The following CNOT10 variants were observed in gnomAD, a reference collection of about 807,000 sequenced individuals.
CNOT10 encodes CCR4-NOT transcription complex, subunit 10.
A neutral mutation model predicts 94.6 loss-of-function variants in CNOT10; 30 were observed. The ratio of observed to expected loss-of-function variants is 0.32; its 90% CI spans 0.24 to 0.43. The LOEUF (loss-of-function observed/expected upper bound fraction) is 0.43, where lower values mean the gene tolerates loss of function less well. Ranked by LOEUF, CNOT10 falls within the 20% of genes least tolerant of loss-of-function variation. The probability of loss-of-function intolerance (pLI) is 1.00; values close to 1 mark genes in which losing one functional copy is unlikely to be tolerated. For synonymous variants in CNOT10, 289 were observed against 301.6 expected (o/e 0.96, Z 0.43); for missense variants, 759 against 877.2 (o/e 0.87, Z 1.70).
At chr3:32,692,319 C>T (rs1399652524) in intron 1 of CNOT10, among the ~76,000 whole-genome samples, 3 of 152,124 alleles carry the variant, frequency 2.0e-5, no homozygotes, top group Non-Finnish European at 2.9e-5. Context: ...TGGTCTCAAA[C>T]TCTTGGGCTG....
chr3:32,752,221 A>G (rs1251505409), intron 13 of CNOT10, among the ~76,000 whole-genome samples: 3 of 151,988 alleles, frequency 2.0e-5, no homozygotes, highest in African/African-American at 7.2e-5. Context: ...CCCAGGAGGC[A>G]GAGATTGTGG....
chr3:32,717,623 T>C (rs1698181503), intron 7 of CNOT10, among the ~76,000 whole-genome samples: 1 of 152,110 alleles, frequency 6.6e-6, no homozygotes, highest in African/African-American at 2.4e-5. Context: ...CCCAGCACTT[T>C]AGGAGGCCAA....
At position 32,685,459 on chromosome 3, in the gene CNOT10, A is replaced by C; in HGVS notation, c.-2A>C. ...GGGAAGAACCCGAGTCGAAGCGGGA[A>C]GATGGCTGCAGACAAGCCTGCAGGT... On this transcript the variant is annotated 5_prime_UTR_variant, in exon 1 of 19. Transcript: ENST00000328834. The C allele has an allele frequency of 2.6e-6, 4 of 1,550,042 alleles. No homozygotes were observed. The highest frequency in any genetic ancestry group is 3.5e-6 in the Non-Finnish European group (4 of 1,146,578).
At chr3:32,698,430 C>T (rs1335726682) in intron 1 of CNOT10, among the ~76,000 whole-genome samples, 2 of 152,028 alleles carry the variant, frequency 1.3e-5, no homozygotes, top group Non-Finnish European at 2.9e-5. Flanking sequence ...GTTCAGTCTT[C>T]TGGGGGTTTC....
intron 7 of CNOT10, among the ~76,000 whole-genome samples, chr3:32,719,025 C>T (rs1052908049): frequency 4.0e-5 from 6 of 151,806 alleles, no homozygotes; most frequent in African/African-American, 1.5e-4. Flanking sequence ...CTGAGGCAGG[C>T]GGATCCCAAA....
At chr3:32,687,038 G>A (rs1453856209) in intron 1 of CNOT10, among the ~76,000 whole-genome samples, 1 of 152,132 alleles carries the variant, frequency 6.6e-6, no homozygotes, top group Non-Finnish European at 1.5e-5. Context: ...CAGTGATTAG[G>A]GGACTGTTTT....
intron 8 of CNOT10, among the ~76,000 whole-genome samples, chr3:32,724,614 A>C (rs758920328): frequency 5.9e-5 from 9 of 152,070 alleles, no homozygotes; most frequent in Non-Finnish European, 1.0e-4. Flanking sequence ...GGGTTTCACC[A>C]TGTTAGCGAG....
rs189484267 is a variant in CNOT10, at chr3:32,753,351, C to T, written c.1596-6107C>T. ...AGGTATGACTGGTATCAAACAGAATCGCAAGTAGTCATTACACTTACGATC... is the reference window on the plus strand; with the variant it reads ...AGGTATGACTGGTATCAAACAGAATTGCAAGTAGTCATTACACTTACGATC... On this transcript the variant is annotated intron_variant, in intron 13 of 18. Coordinates refer to ENST00000328834, the MANE Select transcript of CNOT10 (RefSeq NM_015442.3). 388 of 1,246,880 alleles carry T rather than the reference C, an allele frequency of 3.1e-4. No individual in the cohort carries two copies. The African/African-American group carries it at 3.9e-3, about 13-fold the overall frequency. 77.2% of individuals were successfully genotyped at this position (1,246,880 alleles called of 1,614,324 possible).
intron 6 of CNOT10, 116 bp downstream of exon 6, chr3:32,716,427 G>A (rs1203384936): frequency 3.8e-6 from 2 of 529,926 alleles, no homozygotes; most frequent in Non-Finnish European, 6.8e-6. Flanking sequence ...GCATATATTT[G>A]TTTGTCTTTT....
At chr3:32,733,036 A>G (rs7649613) in intron 10 of CNOT10, among the ~76,000 whole-genome samples, 150,137 of 152,234 alleles carry the variant, frequency 0.99, 74,074 homozygotes, top group East Asian at 1. Flanking sequence ...AAGTGGAGCG[A>G]CTTCCTTTTT....
chr3:32,686,096 TC>T (rs1393164215), intron 1 of CNOT10, among the ~76,000 whole-genome samples: 1 of 152,212 alleles, frequency 6.6e-6, no homozygotes, highest in Non-Finnish European at 1.5e-5. Flanking sequence ...CAGTCTGTGC[TC>T]CTAAAATCTT....
At position 32,766,059 on chromosome 3, in the gene CNOT10, G is replaced by A. The variant is rs1700633747; in HGVS notation, c.2004+1250G>A. 4.8e-5 allele frequency among the ~76,000 whole-genome samples: 2 copies of A among 41,446 alleles called. 1 individual carries two copies. Among genetic ancestry groups the A allele is most frequent in the South Asian group, 1.6e-3 (2 of 1,220 alleles). The allele number at this position is 41,446 out of a possible 152,430, so 27.2% of individuals were successfully genotyped here. A position where few individuals can be genotyped will look rare whatever the true frequency, so the allele number is the denominator to read the frequency against. On this transcript the variant is annotated intron_variant, in intron 17 of 18. Transcript: ENST00000328834. The stretch of plus-strand genomic sequence containing the variant: ...TCGCTCTTGTTGCCCAGACTGGAGT[G>A]CAATGGCGCAATCTCGGCTCACTGC...
intron 13 of CNOT10, among the ~76,000 whole-genome samples, chr3:32,749,894 G>A (rs1159770071): frequency 6.6e-6 from 1 of 152,062 alleles, no homozygotes; most frequent in African/African-American, 2.4e-5. Context: ...GAAATAAAAT[G>A]AAGGAAGGAA....
At chr3:32,714,524 C>T (rs1214211409) in intron 5 of CNOT10, among the ~76,000 whole-genome samples, 1 of 151,674 alleles carries the variant, frequency 6.6e-6, no homozygotes, top group Non-Finnish European at 1.5e-5. Context: ...GCCTGGCCAA[C>T]ATGGTGAAAC....
At chr3:32,771,032 A>T (rs542319353) in intron 18 of CNOT10, among the ~76,000 whole-genome samples, 4 of 152,198 alleles carry the variant, frequency 2.6e-5, no homozygotes, top group Non-Finnish European at 5.9e-5. Flanking sequence ...TTCTACATAA[A>T]AATATAGTTA....
intron 2 of CNOT10, 126 bp from the exon 3 acceptor site, chr3:32,704,685 G>T: frequency 9.4e-7 from 1 of 1,060,300 alleles, no homozygotes; most frequent in Non-Finnish European, 1.3e-6. Flanking sequence ...AGTATATGTA[G>T]GGAAACTACA....
At chr3:32,770,046 C>G in intron 18 of CNOT10, 84 bp downstream of exon 18, 1 of 1,066,228 alleles carries the variant, frequency 9.4e-7, no homozygotes, top group Non-Finnish European at 1.4e-6. Context: ...CACTGTGTTG[C>G]CCAGGCTGGA....
At chr3:32,695,547 C>G in intron 1 of CNOT10, 1 of 1,520,416 alleles carries the variant, frequency 6.6e-7, no homozygotes, top group Non-Finnish European at 8.8e-7. Context: ...TTTCAGTTAA[C>G]TGATGATTTT....
At chr3:32,687,927 GTCTA>G (rs1426862522) in intron 1 of CNOT10, among the ~76,000 whole-genome samples, 1 of 152,150 alleles carries the variant, frequency 6.6e-6, no homozygotes, top group African/African-American at 2.4e-5. Context: ...TATTCATTCA[GTCTA>G]TCTTACATGC....
Sources: allele counts gnomAD v4.1 joint callset (sites outside exome capture counted in the v4.1 genomes callset), GRCh38; gene constraint gnomAD v4.1.1; transcripts MANE v1.5; gene names NCBI Gene and HGNC (gene_info 2026-07-23, HGNC 2026-07-21).